PRKCB: variants seen among roughly 807,000 people sequenced by gnomAD.
The protein encoded by PRKCB is protein kinase C beta type.
In PRKCB, 13 loss-of-function variants were observed where a neutral mutation model predicts 81.5. That is an observed-to-expected ratio of 0.16 (90% confidence interval 0.10 to 0.25). The LOEUF is 0.25. Ranked by LOEUF, PRKCB falls within the 10% of genes least tolerant of loss-of-function variation. The probability of loss-of-function intolerance (pLI) is 1.00; values close to 1 mark genes in which losing one functional copy is unlikely to be tolerated. For missense variants in PRKCB, 509 were observed against 875.7 expected (o/e 0.58, Z 5.29); for synonymous variants, 335 against 321.4 (o/e 1.04, Z -0.45).
At chr16:24,155,552 T>C (rs1053274248) in intron 10 of PRKCB, among the ~76,000 whole-genome samples, 2 of 152,198 alleles carry the variant, frequency 1.3e-5, no homozygotes, top group East Asian at 1.9e-4. Context: ...ACAAAGTTAA[T>C]TGATGCCTTT....
intron 7 of PRKCB, among the ~76,000 whole-genome samples, chr16:24,094,809 GAGGAAGGA>G (rs71154277): frequency 0.037 from 4,263 of 116,690 alleles, 102 homozygotes; most frequent in African/African-American, 0.063. Context: ...GGAAGGGAGG[GAGGAAGGA>G]AGGAAGGAAG....
At chr16:23,882,021 T>TCTTTCTCTTTCTTTCTTTCTTTCTCTTTC in intron 2 of PRKCB, among the ~76,000 whole-genome samples, 1 of 55,636 alleles carries the variant, frequency 1.8e-5, no homozygotes, top group Non-Finnish European at 3.7e-5. Context: ...TTTCTTTCTT[T>TCTTTCTCTTTCTTTCTTTCTTTCTCTTTC]CTTCCTTCCT....
chr16:23,977,150 A>G (rs994475602), intron 2 of PRKCB, among the ~76,000 whole-genome samples: 3 of 152,196 alleles, frequency 2.0e-5, no homozygotes, highest in African/African-American at 7.2e-5. Flanking sequence ...CAGAACTTTA[A>G]GAGTTTCCCA....
At chr16:23,997,344 T>C (rs1376111220) in intron 3 of PRKCB, among the ~76,000 whole-genome samples, 1 of 152,216 alleles carries the variant, frequency 6.6e-6, no homozygotes, top group Non-Finnish European at 1.5e-5. Flanking sequence ...AATGAAAAAC[T>C]ACAACAACTC....
At chr16:24,151,191 GCTCT>G (rs1051292196) in intron 9 of PRKCB, among the ~76,000 whole-genome samples, 13 of 152,158 alleles carry the variant, frequency 8.5e-5, no homozygotes, top group Non-Finnish European at 1.3e-4. Context: ...ATGACAATAT[GCTCT>G]CTAACAACTT....
At chr16:23,942,747 T>A (rs1596481708) in intron 2 of PRKCB, among the ~76,000 whole-genome samples, 1 of 152,208 alleles carries the variant, frequency 6.6e-6, no homozygotes, top group Admixed American at 6.5e-5. Flanking sequence ...TTCCTTCTTA[T>A]GCTTGACTAG....
At chr16:23,962,791 T>G (rs577900947) in intron 2 of PRKCB, among the ~76,000 whole-genome samples, 1 of 152,194 alleles carries the variant, frequency 6.6e-6, no homozygotes, top group Non-Finnish European at 1.5e-5. Flanking sequence ...AGTGGTTTTT[T>G]TGGTTACATG....
chr16:23,839,612 C>T (rs1342768254), intron 2 of PRKCB, among the ~76,000 whole-genome samples: 7 of 117,422 alleles, frequency 6.0e-5, no homozygotes, highest in African/African-American at 1.9e-4. Context: ...TTTTCTCTTC[C>T]CTGCCTCCCC....
At chr16:24,047,713 C>G (rs1965785474) in intron 5 of PRKCB, among the ~76,000 whole-genome samples, 1 of 152,132 alleles carries the variant, frequency 6.6e-6, no homozygotes, top group Non-Finnish European at 1.5e-5. Flanking sequence ...ACCCACCATA[C>G]CAGTGGGGAG....
intron 2 of PRKCB, among the ~76,000 whole-genome samples, chr16:23,919,364 G>A (rs1269281360): frequency 7.2e-6 from 1 of 139,472 alleles, no homozygotes; most frequent in Non-Finnish European, 1.5e-5. Flanking sequence ...GCTTATGTTA[G>A]AACAGAGTCA....
At chr16:23,875,121 C>T (rs938982536) in intron 2 of PRKCB, among the ~76,000 whole-genome samples, 2 of 150,696 alleles carry the variant, frequency 1.3e-5, no homozygotes, top group African/African-American at 2.4e-5. Flanking sequence ...AATGCAACCT[C>T]GACTTCCTGG....
chr16:23,952,062 G>A (rs1304592756), intron 2 of PRKCB, among the ~76,000 whole-genome samples: 1 of 152,082 alleles, frequency 6.6e-6, no homozygotes, highest in Non-Finnish European at 1.5e-5. Context: ...AGAGTTTTGT[G>A]CCTGAATGAG....
intron 2 of PRKCB, among the ~76,000 whole-genome samples, chr16:23,972,172 A>G (rs1163024219): frequency 6.6e-6 from 1 of 152,232 alleles, no homozygotes; most frequent in Non-Finnish European, 1.5e-5. Context: ...TTTAAGTGAA[A>G]GAAGGCAGAC....
At chr16:23,912,206 C>A (rs1224053393) in intron 2 of PRKCB, among the ~76,000 whole-genome samples, 1 of 152,012 alleles carries the variant, frequency 6.6e-6, no homozygotes, top group Non-Finnish European at 1.5e-5. Context: ...ACCGTTTAAC[C>A]CTTAATTGCA....
chr16:23,909,700 C>T (rs888938049), intron 2 of PRKCB, among the ~76,000 whole-genome samples: 6 of 152,250 alleles, frequency 3.9e-5, no homozygotes, highest in South Asian at 2.1e-4. Context: ...TGAGAACATG[C>T]GGTATTTGGC....
chr16:24,070,751 T>G (rs189670276), intron 5 of PRKCB, among the ~76,000 whole-genome samples: 1 of 152,322 alleles, frequency 6.6e-6, no homozygotes, highest in East Asian at 1.9e-4. Context: ...GGTATCACTT[T>G]GAACTCAAAC....
chr16:24,194,697 A>G (rs1967853249), intron 16 of PRKCB, among the ~76,000 whole-genome samples: 1 of 152,214 alleles, frequency 6.6e-6, no homozygotes, highest in African/African-American at 2.4e-5. Context: ...AAAAGATTAC[A>G]ATACTTAGTC....
At chr16:24,091,240 C>T (rs928118194) in intron 5 of PRKCB, among the ~76,000 whole-genome samples, 3 of 152,120 alleles carry the variant, frequency 2.0e-5, no homozygotes, top group Admixed American at 6.5e-5. Flanking sequence ...CTACAATGAT[C>T]TTATGGTTTT....
At chr16:24,063,505 G>C (rs192678096) in intron 5 of PRKCB, among the ~76,000 whole-genome samples, 1 of 152,152 alleles carries the variant, frequency 6.6e-6, no homozygotes, top group East Asian at 1.9e-4. Flanking sequence ...ATGTTGGCCA[G>C]GCTGGCCTCG....
Sources: gnomAD v4.1 joint callset for allele counts (sites outside exome capture counted in the v4.1 genomes callset) on GRCh38, gnomAD v4.1.1 for gene constraint, MANE v1.5 for transcripts, NCBI Gene and HGNC (gene_info 2026-07-23, HGNC 2026-07-21) for gene names.